The following KCNIP4 variants were observed in gnomAD, a reference collection of about 807,000 sequenced individuals.
KCNIP4 encodes Kv channel-interacting protein 4.
Under a neutral mutation model 34.0 loss-of-function variants are expected in KCNIP4, and 12 were observed. The observed-to-expected ratio is 0.35, with a 90% CI of 0.23 to 0.57. The LOEUF (loss-of-function observed/expected upper bound fraction) is 0.57. Ranked by LOEUF, KCNIP4 falls within the 20% of genes least tolerant of loss-of-function variation. The probability of loss-of-function intolerance (pLI) is 0.83; values close to 1 mark genes in which losing one functional copy is unlikely to be tolerated. For missense variants in KCNIP4, 238 were observed against 311.7 expected (o/e 0.76, Z 1.78); for synonymous variants, 124 against 102.2 (o/e 1.21, Z -1.29).
intron 1 of KCNIP4, among the ~76,000 whole-genome samples, chr4:21,432,458 T>C (rs1211517579): frequency 1.3e-5 from 2 of 152,036 alleles, no homozygotes; most frequent in African/African-American, 4.8e-5. Context: ...GGAAGATATG[T>C]GCTACAAATG....
chr4:21,478,697 C>G (rs1250493064), intron 1 of KCNIP4, among the ~76,000 whole-genome samples: 1 of 152,106 alleles, frequency 6.6e-6, no homozygotes, highest in Admixed American at 6.6e-5. Flanking sequence ...CAAGAGAAAG[C>G]AAGACGGGGA....
chr4:21,568,714 ACAGACTG>A (rs1171823042), intron 1 of KCNIP4, among the ~76,000 whole-genome samples: 9 of 152,078 alleles, frequency 5.9e-5, no homozygotes, highest in Non-Finnish European at 1.3e-4. Flanking sequence ...GCCTTTGGCC[ACAGACTG>A]AAGACTGCAC....
At chr4:21,193,114 TA>T (rs368675068) in intron 1 of KCNIP4, among the ~76,000 whole-genome samples, 32,153 of 141,246 alleles carry the variant, frequency 0.23, 3,921 homozygotes, top group South Asian at 0.43. Context: ...AGACCCTGGC[TA>T]AAAAAAAAAA....
At chr4:20,978,984 G>C in intron 1 of KCNIP4, among the ~76,000 whole-genome samples, 1 of 152,022 alleles carries the variant, frequency 6.6e-6, no homozygotes, top group East Asian at 1.9e-4. Flanking sequence ...ATGAATATAT[G>C]ACAATTCATT....
chr4:21,721,563 C>A (rs1275203262), intron 1 of KCNIP4, among the ~76,000 whole-genome samples: 1 of 152,132 alleles, frequency 6.6e-6, no homozygotes, highest in Non-Finnish European at 1.5e-5. Context: ...AAATCAGCCA[C>A]TCAATTTTTG....
At chr4:21,062,410 G>T (rs1283863411) in intron 1 of KCNIP4, among the ~76,000 whole-genome samples, 1 of 152,096 alleles carries the variant, frequency 6.6e-6, no homozygotes, top group East Asian at 1.9e-4. Context: ...TGTGACTATA[G>T]ATGTAATTAG....
intron 4 of KCNIP4, among the ~76,000 whole-genome samples, chr4:20,754,376 A>C (rs999317886): frequency 6.6e-6 from 1 of 152,158 alleles, no homozygotes; most frequent in African/African-American, 2.4e-5. Context: ...GGACCCATCA[A>C]TGTTACTGTT....
intron 1 of KCNIP4, among the ~76,000 whole-genome samples, chr4:21,657,935 G>A (rs1748106905): frequency 6.6e-6 from 1 of 151,814 alleles, no homozygotes; most frequent in Non-Finnish European, 1.5e-5. Flanking sequence ...TGCCTCCCAG[G>A]TTCAAGCAAT....
intron 1 of KCNIP4, among the ~76,000 whole-genome samples, chr4:21,167,812 A>G (rs1753742659): frequency 6.6e-6 from 1 of 152,216 alleles, no homozygotes; most frequent in Admixed American, 6.5e-5. Flanking sequence ...TAACAATGAG[A>G]GCAAGGTTGA....
intron 1 of KCNIP4, among the ~76,000 whole-genome samples, chr4:21,269,395 T>C (rs1762005449): frequency 6.6e-6 from 1 of 152,054 alleles, no homozygotes; most frequent in Non-Finnish European, 1.5e-5. Flanking sequence ...TTCCAGCTTG[T>C]TTTATTTATT....
intron 1 of KCNIP4, among the ~76,000 whole-genome samples, chr4:21,276,359 CTCTTT>C (rs1203899550): frequency 8.2e-6 from 1 of 122,476 alleles, no homozygotes; most frequent in East Asian, 2.4e-4. Flanking sequence ...CTGAGATTTT[CTCTTT>C]TTTTTTTTTT....
chr4:21,470,093 T>A (rs573209134), intron 1 of KCNIP4, among the ~76,000 whole-genome samples: 6 of 152,160 alleles, frequency 3.9e-5, no homozygotes, highest in Non-Finnish European at 7.3e-5. Context: ...CAGAAAGTGA[T>A]GTATGTTGCT....
chr4:21,404,385 TA>T (rs1723798320), intron 1 of KCNIP4, among the ~76,000 whole-genome samples: 1 of 152,226 alleles, frequency 6.6e-6, no homozygotes, highest in Non-Finnish European at 1.5e-5. Context: ...AGTTCCTTAG[TA>T]ACTGCTTAGT....
chr4:21,030,992 C>A (rs1740974370), intron 1 of KCNIP4, among the ~76,000 whole-genome samples: 1 of 152,126 alleles, frequency 6.6e-6, no homozygotes, highest in African/African-American at 2.4e-5. Flanking sequence ...CCCAGAGAAA[C>A]ACCTTCAAAG....
At chr4:21,374,772 T>C (rs535903542) in intron 1 of KCNIP4, among the ~76,000 whole-genome samples, 1 of 146,950 alleles carries the variant, frequency 6.8e-6, no homozygotes, top group Admixed American at 6.6e-5. Context: ...ACACTGGTAT[T>C]AGGGAGACAT....
At chr4:21,399,616 A>G (rs376374313) in intron 1 of KCNIP4, among the ~76,000 whole-genome samples, 98 of 151,926 alleles carry the variant, frequency 6.5e-4, no homozygotes, top group African/African-American at 2.2e-3. Context: ...GATAAAATAC[A>G]GGAGGCTTGG....
chr4:20,912,159 C>T (rs1331692507), intron 1 of KCNIP4, among the ~76,000 whole-genome samples: 1 of 152,118 alleles, frequency 6.6e-6, no homozygotes, highest in African/African-American at 2.4e-5. Context: ...ACTAGAATTA[C>T]TCCTCTGCTT....
chr4:21,180,038 C>T (rs1754727632), intron 1 of KCNIP4, among the ~76,000 whole-genome samples: 1 of 152,090 alleles, frequency 6.6e-6, no homozygotes, highest in Admixed American at 6.5e-5. Flanking sequence ...TGTTTTTTTC[C>T]ATCAAGAGCT....
chr4:21,297,148 A>G (rs1763890287), intron 1 of KCNIP4, among the ~76,000 whole-genome samples: 1 of 151,552 alleles, frequency 6.6e-6, no homozygotes, highest in Non-Finnish European at 1.5e-5. Flanking sequence ...AATAATTGTT[A>G]TTTGAATGTG....
Sources: allele counts gnomAD v4.1 joint callset (sites outside exome capture counted in the v4.1 genomes callset), GRCh38; gene constraint gnomAD v4.1.1; transcripts MANE v1.5; gene names NCBI Gene and HGNC (gene_info 2026-07-23, HGNC 2026-07-21).